F5: variants seen among roughly 807,000 people sequenced by gnomAD.
F5 encodes coagulation factor V, also known as activated protein c cofactor.
A neutral mutation model predicts 216.4 loss-of-function variants in F5; 138 were observed. That is an observed-to-expected ratio of 0.64 (90% CI 0.56 to 0.73). F5 has a LOEUF of 0.73. Among genes scored for constraint, F5 ranks in the 30% least tolerant of loss-of-function variants. The pLI is 0.00. For synonymous variants in F5, 916 were observed against 930.7 expected, an observed-to-expected ratio of 0.98 and a Z score of 0.29; for missense variants, 2,403 against 2,674.0, an observed-to-expected ratio of 0.90 and a Z score of 2.24.
chr1:169,575,594 T>G (rs1335121426), intron 2 of F5, among the ~76,000 whole-genome samples: 1 of 151,954 alleles, frequency 6.6e-6, no homozygotes, highest in Non-Finnish European at 1.5e-5. Flanking sequence ...GATGAGATGA[T>G]GAGGAGAGAA....
intron 2 of F5, among the ~76,000 whole-genome samples, chr1:169,581,550 A>T (rs1660987200): frequency 6.6e-6 from 1 of 152,114 alleles, no homozygotes; most frequent in Non-Finnish European, 1.5e-5. Flanking sequence ...CATTGACTAA[A>T]TATTGAAGAT....
intron 9 of F5, among the ~76,000 whole-genome samples, chr1:169,550,272 C>A (rs1185244138): frequency 1.4e-5 from 1 of 70,408 alleles, no homozygotes. Context: ...TAATGCTATC[C>A]CTCCCCCCGC....
intron 1 of F5, among the ~76,000 whole-genome samples, chr1:169,582,744 A>C (rs1661017855): frequency 2.0e-5 from 3 of 152,234 alleles, no homozygotes; most frequent in Admixed American, 2.0e-4. Flanking sequence ...CTATTTGTTC[A>C]CAAGTTAATC....
At chr1:169,533,763 A>G (rs1000610470) in intron 14 of F5, among the ~76,000 whole-genome samples, 2 of 152,106 alleles carry the variant, frequency 1.3e-5, no homozygotes, top group Non-Finnish European at 2.9e-5. Context: ...TGAGGCTGTG[A>G]AGAAAAGGGA....
rs757503552 is a variant in F5, at chr1:169,559,249, C to T, written c.634G>A (p.Val212Met). Residue 212 changes from valine to methionine, a missense_variant, in exon 5 of 25, where the codon GTG becomes ATG. Coordinates refer to ENST00000367797, the MANE Select transcript of F5 (RefSeq NM_000130.5). ...TCATCAAACACAGCAAATAGTAGCACGATTTGCTTGTCAAACGTCTTCTGT... is the reference window on the plus strand; with the variant it reads ...TCATCAAACACAGCAAATAGTAGCATGATTTGCTTGTCAAACGTCTTCTGT... ...GTQKTFDKQI[V>M]LLFAVFDESK... is the part of the protein sequence containing the mutation. 2.7e-5 allele frequency: 44 copies of T among 1,613,652 alleles called. No homozygotes were observed. The highest frequency in any genetic ancestry group is 4.5e-5 in the East Asian group (2 of 44,876).
At chr1:169,553,623 G>C (rs1463608348) in intron 7 of F5, among the ~76,000 whole-genome samples, 1 of 152,254 alleles carries the variant, frequency 6.6e-6, no homozygotes, top group Non-Finnish European at 1.5e-5. Flanking sequence ...TCGGGAGGCT[G>C]AGGCAGGAGA....
At position 169,542,104 on chromosome 1, in the gene F5, T is replaced by C. The variant is rs1659870481; in HGVS notation, c.2986A>G (p.Ser996Gly). The part of the protein sequence containing the change: ...TPLANKPGKQ[S>G]GHPKFPRVRH... ...ACTCTAGGAAACTTTGGGTGGCCAC[T>C]CTGCTTTCCAGGCTTGTTGGCAAGA... Residue 996 changes from serine (S) to glycine (G), a missense_variant, in exon 13 of 25, where the codon AGT becomes GGT. Ser to Gly is a moderately conservative substitution (Grantham distance 56, BLOSUM62 0). Around this residue, in one of 4 missense-constraint regions of F5, gnomAD observed 1,425 missense variants for 1,554.8 expected, o/e 0.92. Coordinates refer to ENST00000367797, the MANE Select transcript of F5 (RefSeq NM_000130.5). The C allele has an allele frequency of 1.2e-6, 2 of 1,614,024 alleles. No individual in the cohort carries two copies. Among genetic ancestry groups the C allele is most frequent in the Non-Finnish European group, 1.7e-6 (2 of 1,180,008 alleles).
At chr1:169,539,564 A>G (rs1659785837) in intron 13 of F5, among the ~76,000 whole-genome samples, 1 of 152,342 alleles carries the variant, frequency 6.6e-6, no homozygotes, top group South Asian at 2.1e-4. Flanking sequence ...CAGGCATCAG[A>G]TTAATGAACT....
chr1:169,549,634 C>A (rs919565520), intron 10 of F5, among the ~76,000 whole-genome samples, 167 bp downstream of exon 10: 20 of 144,854 alleles, frequency 1.4e-4, no homozygotes, highest in Non-Finnish European at 1.4e-4. Flanking sequence ...ATAGACAAGA[C>A]AAAAAAAAAA....
At chr1:169,562,973 A>C (rs1335594537) in intron 3 of F5, among the ~76,000 whole-genome samples, 2 of 152,022 alleles carry the variant, frequency 1.3e-5, no homozygotes, top group East Asian at 3.9e-4. Flanking sequence ...TATCTAAAGG[A>C]GTTCCTTTAA....
rs144502133 is a variant in F5, at chr1:169,529,176, G to A, written c.5419+432C>T. Among the ~76,000 whole-genome samples the A allele has an allele frequency of 2.1e-3, 325 of 152,260 alleles. 1 individual carries two copies. Among genetic ancestry groups the A allele is most frequent in the Middle Eastern group, 0.017 (5 of 294 alleles). On this transcript the variant is annotated intron_variant, in intron 16 of 24. Coordinates refer to ENST00000367797, the MANE Select transcript of F5 (RefSeq NM_000130.5). ...CTTTGGGTGCCACCTGGTAGCTGCT[G>A]AGAGCTAAAACTGTTAGCGTCATTC...
At chr1:169,560,527 T>A in intron 4 of F5, 27 bp downstream of exon 4, 1 of 1,608,490 alleles carries the variant, frequency 6.2e-7, no homozygotes, top group South Asian at 1.1e-5. Context: ...ATTTAGTTGT[T>A]GAATCTTTTG....
intron 1 of F5, among the ~76,000 whole-genome samples, chr1:169,585,924 T>G (rs1037981253): frequency 1.3e-5 from 2 of 152,264 alleles, no homozygotes; most frequent in Middle Eastern, 6.8e-3. Flanking sequence ...TGCCTTTGAA[T>G]TAACCAATAT....
chr1:169,529,549 A>T (rs1571565179), intron 16 of F5, 59 bp downstream of exon 16: 2 of 1,458,506 alleles, frequency 1.4e-6, no homozygotes, highest in East Asian at 4.6e-5. Context: ...TAAGGGCAGA[A>T]ATCACTGTGA....
intron 23 of F5, among the ~76,000 whole-genome samples, chr1:169,517,309 G>A (rs1007585694): frequency 6.6e-6 from 1 of 152,106 alleles, no homozygotes; most frequent in Non-Finnish European, 1.5e-5. Flanking sequence ...CCTTGCTACT[G>A]TAACATTCTG....
chr1:169,581,129 A>G (rs1660977237), intron 2 of F5, among the ~76,000 whole-genome samples: 1 of 152,158 alleles, frequency 6.6e-6, no homozygotes. Context: ...TGGTGGGGAT[A>G]CTGAGCAGGA....
In F5 at chr1:169,513,542, C is replaced by A. The variant is rs763800714; in HGVS notation, c.*771G>T. Reference sequence around the variant, plus strand: ...TGAGCAGGAACAACTGCATTTAGACCAGCAGTTCCCATGCTCTGTTTTACA... The same window carrying A: ...TGAGCAGGAACAACTGCATTTAGACAAGCAGTTCCCATGCTCTGTTTTACA... On this transcript the variant is annotated 3_prime_UTR_variant, in exon 25 of 25. Transcript: ENST00000367797. Among the ~76,000 whole-genome samples, 2 of 152,088 alleles carry A rather than the reference C, an allele frequency of 1.3e-5. No individual in the cohort carries two copies. Among genetic ancestry groups the A allele is most frequent in the Non-Finnish European group, 2.9e-5 (2 of 68,008 alleles).
intron 6 of F5, 95 bp from the exon 7 acceptor site, chr1:169,555,442 T>C (rs1418718946): frequency 1.6e-6 from 2 of 1,288,164 alleles, no homozygotes; most frequent in Admixed American, 1.9e-5. Context: ...GGAAGGTTTA[T>C]ATTAATATAA....
intron 3 of F5, among the ~76,000 whole-genome samples, chr1:169,571,605 A>T (rs1036775486): frequency 6.6e-6 from 1 of 152,200 alleles, no homozygotes; most frequent in Non-Finnish European, 1.5e-5. Context: ...GGAAGCCTAT[A>T]TCAGGCTAGT....
Sources: allele counts gnomAD v4.1 joint callset (sites outside exome capture counted in the v4.1 genomes callset), GRCh38; gene constraint gnomAD v4.1.1; regional missense constraint gnomAD v4.1.1; transcripts MANE v1.5; gene names NCBI Gene and HGNC (gene_info 2026-07-23, HGNC 2026-07-21).